TRPM3: variants seen among roughly 807,000 people sequenced by gnomAD.
The protein encoded by TRPM3 is long transient receptor potential channel 3.
Under a neutral mutation model 181.2 loss-of-function variants are expected in TRPM3, and 77 were observed. The observed-to-expected ratio is 0.42, with a 90% confidence interval of 0.35 to 0.51. The LOEUF (loss-of-function observed/expected upper bound fraction) is 0.51. TRPM3 is among the 20% of genes least tolerant of loss of function. The pLI is 0.01. For missense variants in TRPM3, 1,759 were observed against 2,196.7 expected (o/e 0.80, Z 3.98); for synonymous variants, 745 against 796.4 (o/e 0.94, Z 1.09).
At chr9:70,957,412 G>A (rs988484631) in intron 1 of TRPM3, among the ~76,000 whole-genome samples, 1 of 152,112 alleles carries the variant, frequency 6.6e-6, no homozygotes, top group Admixed American at 6.6e-5. Flanking sequence ...CCACTGCTCC[G>A]GGTACTATCA....
chr9:71,188,471 T>A (rs954184694), intron 1 of TRPM3, among the ~76,000 whole-genome samples: 1 of 151,910 alleles, frequency 6.6e-6, no homozygotes, highest in Admixed American at 6.6e-5. Context: ...CCTTCTTGTT[T>A]AATCTGTGGA....
At chr9:71,325,326 T>C (rs1245417025) in intron 1 of TRPM3, among the ~76,000 whole-genome samples, 1 of 152,206 alleles carries the variant, frequency 6.6e-6, no homozygotes, top group East Asian at 1.9e-4. Context: ...CAAGGAAACG[T>C]GCTGATATGT....
chr9:71,320,087 G>A (rs1272026494), intron 1 of TRPM3, among the ~76,000 whole-genome samples: 1 of 152,020 alleles, frequency 6.6e-6, no homozygotes, highest in Non-Finnish European at 1.5e-5. Context: ...GGGGTAGGGA[G>A]TTTCTTCTGG....
chr9:70,835,039 T>C (rs1214114252), intron 5 of TRPM3, among the ~76,000 whole-genome samples: 1 of 152,148 alleles, frequency 6.6e-6, no homozygotes, highest in East Asian at 1.9e-4. Context: ...TCTTGCTCTG[T>C]CAGTGCACAT....
At chr9:70,541,740 A>G (rs1047354043) in intron 25 of TRPM3, among the ~76,000 whole-genome samples, 2 of 152,058 alleles carry the variant, frequency 1.3e-5, no homozygotes, top group African/African-American at 4.8e-5. Flanking sequence ...TGAACTCCCG[A>G]CCTCAGGTGA....
At chr9:70,991,370 C>T (rs939699295) in intron 1 of TRPM3, among the ~76,000 whole-genome samples, 1 of 152,194 alleles carries the variant, frequency 6.6e-6, no homozygotes, top group South Asian at 2.1e-4. Context: ...ATTATAGTTG[C>T]AGCAAATATT....
intron 8 of TRPM3, among the ~76,000 whole-genome samples, chr9:70,683,475 A>ATTTTTT (rs2066005267): frequency 1.6e-5 from 1 of 61,600 alleles, no homozygotes; most frequent in Non-Finnish European, 2.9e-5. Context: ...ATGGGGTTTC[A>ATTTTTT]TTATGTTGCC....
chr9:70,958,939 A>T (rs370802536), intron 1 of TRPM3, among the ~76,000 whole-genome samples: 1 of 148,558 alleles, frequency 6.7e-6, no homozygotes, highest in South Asian at 2.2e-4. Flanking sequence ...TCACTCATAG[A>T]TGGGAATTGA....
chr9:71,247,785 G>T (rs1446370142), intron 1 of TRPM3, among the ~76,000 whole-genome samples: 1 of 152,092 alleles, frequency 6.6e-6, no homozygotes, highest in African/African-American at 2.4e-5. Flanking sequence ...ATTAGTGATG[G>T]TCTAGAATTA....
chr9:70,767,659 A>G (rs1428441782), intron 7 of TRPM3, among the ~76,000 whole-genome samples: 1 of 152,136 alleles, frequency 6.6e-6, no homozygotes, highest in African/African-American at 2.4e-5. Flanking sequence ...TTGGGGCCTC[A>G]ATTCTGTTCC....
At chr9:70,943,861 T>C (rs2096908263) in intron 1 of TRPM3, among the ~76,000 whole-genome samples, 1 of 152,078 alleles carries the variant, frequency 6.6e-6, no homozygotes, top group African/African-American at 2.4e-5. Flanking sequence ...CTCACTGCAA[T>C]CTCCGTCTCC....
chr9:70,745,878 T>G (rs2075070352), intron 8 of TRPM3, among the ~76,000 whole-genome samples: 1 of 152,196 alleles, frequency 6.6e-6, no homozygotes, highest in African/African-American at 2.4e-5. Context: ...AGTCAAAGTA[T>G]GCCCTACTGA....
chr9:70,530,189 C>T lies in TRPM3; in HGVS notation c.*5764G>A, dbSNP rs1037790114. ...AAATGTTTGCCTTTTTCCAAGCGGC[C>T]GCTGTTTCAGCTTACTGTGCGAGGG... is the stretch of plus-strand genomic sequence containing the variant. On this transcript the variant is annotated 3_prime_UTR_variant, in exon 26 of 26. Transcript: ENST00000677713. 6.6e-6 allele frequency: 1 copy of T among 152,138 alleles called. No individual in the cohort carries two copies. Among genetic ancestry groups the T allele is most frequent in the East Asian group, 1.9e-4 (1 of 5,200 alleles). The allele number at this position is 152,138 out of a possible 1,614,324, so 9.4% of individuals were successfully genotyped here.
At chr9:70,954,995 C>G (rs1476963305) in intron 1 of TRPM3, among the ~76,000 whole-genome samples, 1 of 152,102 alleles carries the variant, frequency 6.6e-6, no homozygotes, top group African/African-American at 2.4e-5. Flanking sequence ...CTGCGAGTTA[C>G]TTACTTAGGT....
rs955574122 is a variant in TRPM3 at position 70,529,664 on chromosome 9, C to T, written c.*6289G>A. ...CATATATCATTCAGAACAAGAGTAACTCTGAATAAGGCGAGTTTCTTTTCC... is the reference window on the plus strand; with the variant it reads ...CATATATCATTCAGAACAAGAGTAATTCTGAATAAGGCGAGTTTCTTTTCC... On this transcript the variant is annotated 3_prime_UTR_variant, in exon 26 of 26. Transcript: ENST00000677713. 6.6e-6 allele frequency: 1 copy of T among 152,156 alleles called. No homozygotes were observed. The allele number at this position is 152,156 out of a possible 1,614,324, so 9.4% of individuals were successfully genotyped here.
intron 1 of TRPM3, among the ~76,000 whole-genome samples, chr9:71,365,307 G>T (rs143346963): frequency 1.3e-5 from 2 of 152,104 alleles, no homozygotes; most frequent in Admixed American, 6.5e-5. Flanking sequence ...ACCCCAGGCT[G>T]CATGTAAAGA....
chr9:70,936,519 G>A (rs1162520811), intron 1 of TRPM3, among the ~76,000 whole-genome samples: 1 of 152,164 alleles, frequency 6.6e-6, no homozygotes, highest in Admixed American at 6.5e-5. Context: ...AAGAGCAATC[G>A]ATTTATTAGG....
At position 70,530,434 on chromosome 9, in the gene TRPM3, A is replaced by G. The variant is rs1281346279; in HGVS notation, c.*5519T>C. 4 of 152,268 alleles carry G rather than the reference A, an allele frequency of 2.6e-5. No individual in the cohort carries two copies. Among genetic ancestry groups the G allele is most frequent in the Non-Finnish European group, 4.4e-5 (3 of 68,080 alleles). 9.4% of individuals were successfully genotyped at this position (152,268 alleles called of 1,614,324 possible). The stretch of plus-strand genomic sequence containing the variant: ...GGCACTGACACTCTTTACAAAGCCT[A>G]TGGACTTCTAGCCATACACATGTCT... On this transcript the variant is annotated 3_prime_UTR_variant, in exon 26 of 26. Coordinates refer to ENST00000677713, the MANE Select transcript of TRPM3 (RefSeq NM_001366145.2).
chr9:70,664,390 C>T (rs927692181), intron 9 of TRPM3, among the ~76,000 whole-genome samples: 3 of 152,114 alleles, frequency 2.0e-5, no homozygotes, highest in Non-Finnish European at 4.4e-5. Context: ...TCTATTGAGG[C>T]TTTCTTTTCA....
Sources: gnomAD v4.1 joint callset for allele counts (sites outside exome capture counted in the v4.1 genomes callset) on GRCh38, gnomAD v4.1.1 for gene constraint, MANE v1.5 for transcripts, NCBI Gene and HGNC (gene_info 2026-07-23, HGNC 2026-07-21) for gene names.